The following PKHD1 variants were observed in gnomAD, a reference collection of about 807,000 sequenced individuals.
PKHD1 encodes fibrocystin.
Under a neutral mutation model 412.0 loss-of-function variants are expected in PKHD1, and 291 were observed. The ratio of observed to expected loss-of-function variants is 0.71; its 90% confidence interval spans 0.64 to 0.78. PKHD1 has a LOEUF of 0.78. Ranked by LOEUF, PKHD1 falls within the 30% of genes least tolerant of loss-of-function variation. The probability of loss-of-function intolerance (pLI) is 0.00; values close to 1 mark genes in which losing one functional copy is unlikely to be tolerated. For synonymous variants in PKHD1, 1,777 were observed against 1,821.5 expected (o/e 0.98, Z 0.62); for missense variants, 4,825 against 4,950.7 (o/e 0.97, Z 0.76).
chr6:51,621,370 G>T (rs1766597248), intron 66 of PKHD1, among the ~76,000 whole-genome samples: 1 of 152,054 alleles, frequency 6.6e-6, no homozygotes, highest in Non-Finnish European at 1.5e-5. Flanking sequence ...TAAATTATCA[G>T]GTAGAAGCAA....
chr6:51,754,722 G>T, intron 56 of PKHD1, 62 bp downstream of exon 56: 1 of 1,448,722 alleles, frequency 6.9e-7, no homozygotes, highest in South Asian at 1.1e-5. Context: ...TCCCCAGCTA[G>T]GTTACCAAAC....
At chr6:51,640,230 A>C (rs1042846467) in intron 63 of PKHD1, among the ~76,000 whole-genome samples, 1 of 152,234 alleles carries the variant, frequency 6.6e-6, no homozygotes, top group Non-Finnish European at 1.5e-5. Flanking sequence ...CTTTGGAAGA[A>C]TACAAAGCAG....
intron 34 of PKHD1, 82 bp from the exon 35 acceptor site, chr6:52,010,541 G>A: frequency 8.2e-7 from 1 of 1,221,998 alleles, no homozygotes; most frequent in Admixed American, 1.7e-5. Flanking sequence ...ATCATTGCAA[G>A]CCATTAGCTT....
chr6:51,738,981 T>C (rs1784208159), intron 60 of PKHD1, among the ~76,000 whole-genome samples: 1 of 151,478 alleles, frequency 6.6e-6, no homozygotes, highest in Admixed American at 6.6e-5. Context: ...TTGTATTTTT[T>C]CCATCCTTCT....
Position 52,035,694 on chromosome 6 carries a change from G to C in PKHD1, c.3125C>G (p.Ser1042Cys), listed in dbSNP as rs766418616. 1.9e-6 allele frequency: 3 copies of C among 1,613,732 alleles called. No individual in the cohort carries two copies. The highest frequency in any genetic ancestry group is 3.3e-5 in the Admixed American group (2 of 59,988). ...TATCAGGCTAACACCTTCCAAACTAGAGCCTCGGATGGTGGCCCAGAGCCC... is the reference window on the plus strand; with the variant it reads ...TATCAGGCTAACACCTTCCAAACTACAGCCTCGGATGGTGGCCCAGAGCCC... ...IGGLWATIRG[S>C]SLEGVSLILF... The change falls in exon 28 of 67, where the codon TCT (serine) becomes TGT (cysteine). Residue 1042 changes from serine to cysteine, a missense_variant. Coordinates refer to ENST00000371117, the MANE Select transcript of PKHD1 (RefSeq NM_138694.4).
At chr6:51,902,209 A>C (rs1193545599) in intron 43 of PKHD1, among the ~76,000 whole-genome samples, 1 of 152,198 alleles carries the variant, frequency 6.6e-6, no homozygotes, top group Non-Finnish European at 1.5e-5. Context: ...CTTAAGCCCA[A>C]AAGCTTACAG....
chr6:51,952,312 A>G (rs1329873519), intron 36 of PKHD1, among the ~76,000 whole-genome samples: 1 of 152,206 alleles, frequency 6.6e-6, no homozygotes, highest in Admixed American at 6.5e-5. Context: ...ATCCACTAAC[A>G]TTTGAGGGTA....
chr6:52,001,554 T>A (rs1286116933), intron 35 of PKHD1, among the ~76,000 whole-genome samples: 1 of 151,792 alleles, frequency 6.6e-6, no homozygotes, highest in African/African-American at 2.4e-5. Context: ...CTCAGCCTCC[T>A]GGGTAGCTGG....
At chr6:52,027,260 G>A (rs184320713) in intron 31 of PKHD1, among the ~76,000 whole-genome samples, 27 of 149,350 alleles carry the variant, frequency 1.8e-4, no homozygotes, top group South Asian at 6.4e-4. Context: ...GGCTGGGCAC[G>A]GTGGCTCATG....
intron 66 of PKHD1, among the ~76,000 whole-genome samples, chr6:51,624,204 T>C (rs1766972751): frequency 6.6e-6 from 1 of 152,176 alleles, no homozygotes; most frequent in African/African-American, 2.4e-5. Flanking sequence ...TACAGGTGCA[T>C]ACCACCATAC....
chr6:51,867,083 G>A (rs1775189713), intron 48 of PKHD1, among the ~76,000 whole-genome samples: 1 of 152,116 alleles, frequency 6.6e-6, no homozygotes, highest in Admixed American at 6.6e-5. Context: ...AAGTTTACTT[G>A]TTCAAGTAAG....
intron 11 of PKHD1, 58 bp from the exon 12 acceptor site, chr6:52,066,135 T>G: frequency 2.7e-6 from 2 of 748,616 alleles, no homozygotes; most frequent in Non-Finnish European, 4.7e-6. Flanking sequence ...GAATATGACC[T>G]AGATAATAAT....
At chr6:51,784,149 C>A (rs931459738) in intron 53 of PKHD1, among the ~76,000 whole-genome samples, 4 of 152,086 alleles carry the variant, frequency 2.6e-5, no homozygotes, top group African/African-American at 9.7e-5. Context: ...CATATCATTA[C>A]CGAATGCAGT....
intron 56 of PKHD1, among the ~76,000 whole-genome samples, chr6:51,754,338 C>T (rs1460886072): frequency 6.6e-6 from 1 of 151,962 alleles, no homozygotes; most frequent in Non-Finnish European, 1.5e-5. Context: ...TACTTCATGT[C>T]AGGAAGGACA....
chr6:51,677,214 G>C (rs566807075), intron 60 of PKHD1, among the ~76,000 whole-genome samples: 1 of 152,194 alleles, frequency 6.6e-6, no homozygotes, highest in East Asian at 1.9e-4. Flanking sequence ...CACTGCTTAG[G>C]TCCTAGAGCT....
At chr6:51,977,988 G>A (rs755469364) in intron 35 of PKHD1, among the ~76,000 whole-genome samples, 20 of 152,186 alleles carry the variant, frequency 1.3e-4, no homozygotes, top group South Asian at 2.1e-4. Context: ...CATCCTCCCC[G>A]CAAAAAAATG....
intron 60 of PKHD1, among the ~76,000 whole-genome samples, chr6:51,660,888 C>T (rs138871216): frequency 3.2e-4 from 48 of 152,140 alleles, no homozygotes; most frequent in African/African-American, 1.1e-3. Context: ...TGTTGGTGAT[C>T]GACTCAACCT....
chr6:51,969,467 T>C (rs947912930), intron 35 of PKHD1, among the ~76,000 whole-genome samples: 2 of 152,220 alleles, frequency 1.3e-5, no homozygotes, highest in Admixed American at 6.5e-5. Context: ...ATAGATTGCA[T>C]AGTGGTAAAG....
chr6:51,789,762 C>T (rs372958918), intron 53 of PKHD1, among the ~76,000 whole-genome samples: 1 of 152,088 alleles, frequency 6.6e-6, no homozygotes, highest in Non-Finnish European at 1.5e-5. Flanking sequence ...ACAGCAATAA[C>T]TATGAACCAT....
Sources: gnomAD v4.1 joint callset for allele counts (sites outside exome capture counted in the v4.1 genomes callset) on GRCh38, gnomAD v4.1.1 for gene constraint, MANE v1.5 for transcripts, NCBI Gene and HGNC (gene_info 2026-07-23, HGNC 2026-07-21) for gene names.